Variants in SGCZ observed in about 807,000 individuals in gnomAD.
SGCZ encodes zeta-sarcoglycan.
In SGCZ, 40 loss-of-function variants were observed where a neutral mutation model predicts 41.3. The ratio of observed to expected loss-of-function variants is 0.97; its 90% CI spans 0.75 to 1.26. SGCZ has a LOEUF of 1.26. SGCZ is among the 50% of genes most tolerant of loss of function. The probability of loss-of-function intolerance (pLI) is 0.00; values close to 1 mark genes in which losing one functional copy is unlikely to be tolerated. For missense variants in SGCZ, 552 were observed against 369.8 expected, an observed-to-expected ratio of 1.49 and a Z score of -4.04; for synonymous variants, 206 against 137.5, an observed-to-expected ratio of 1.50 and a Z score of -3.49.
At chr8:15,092,753 AC>A (rs1318761130) in intron 1 of SGCZ, among the ~76,000 whole-genome samples, 8 of 152,324 alleles carry the variant, frequency 5.3e-5, no homozygotes, top group African/African-American at 1.9e-4. Context: ...TCTCTATTAC[AC>A]ATTGATCAAA....
At chr8:14,235,793 T>C (rs1203695861) in intron 4 of SGCZ, among the ~76,000 whole-genome samples, 3 of 152,182 alleles carry the variant, frequency 2.0e-5, no homozygotes, top group Non-Finnish European at 4.4e-5. Flanking sequence ...CGAGTGATTC[T>C]CCAGCCTCAG....
Position 14,682,106 on chromosome 8 carries a change from A to G in SGCZ, c.40-127180T>C, listed in dbSNP as rs189379117. The stretch of plus-strand genomic sequence containing the variant: ...ATTTCACAGCCCTGGGGCATAATCT[A>G]TTATGTAGTGATGCTTCAAGCATGG... On this transcript the variant is annotated intron_variant, in intron 1 of 7. Transcript: ENST00000382080. 1.6e-4 allele frequency among the ~76,000 whole-genome samples: 24 copies of G among 152,212 alleles called. 1 individual carries two copies. The highest frequency in any genetic ancestry group is 3.4e-3 in the Middle Eastern group (1 of 294).
chr8:15,151,588 A>G (rs967272645), intron 1 of SGCZ, among the ~76,000 whole-genome samples: 1 of 152,194 alleles, frequency 6.6e-6, no homozygotes, highest in Non-Finnish European at 1.5e-5. Context: ...ATCTGAATAC[A>G]TTTTCACAAA....
At position 14,356,749 on chromosome 8, in the gene SGCZ, A is replaced by G. The variant is rs951829296; in HGVS notation, c.235-32545T>C. On this transcript the variant is annotated intron_variant, in intron 2 of 7. Coordinates refer to ENST00000382080, the MANE Select transcript of SGCZ (RefSeq NM_139167.4). ...ATATATTTTTAATATTGTCTTTTCA[A>G]TATCACTAATTCAAGAAAATACGAT... Among the ~76,000 whole-genome samples, 16 of 152,094 alleles carry G rather than the reference A, an allele frequency of 1.1e-4. 1 individual carries two copies. The highest frequency in any genetic ancestry group is 3.6e-4 in the African/African-American group (15 of 41,444).
chr8:14,391,574 T>C (rs1441067062), intron 2 of SGCZ, among the ~76,000 whole-genome samples: 1 of 152,262 alleles, frequency 6.6e-6, no homozygotes, highest in African/African-American at 2.4e-5. Flanking sequence ...AGCCATATTA[T>C]TGGACAAGGC....
intron 4 of SGCZ, among the ~76,000 whole-genome samples, chr8:14,201,792 G>A (rs1356272620): frequency 6.6e-6 from 1 of 152,098 alleles, no homozygotes. Flanking sequence ...ACAGACTCTT[G>A]TAAAAATGTG....
At chr8:14,445,521 A>G (rs767454043) in intron 2 of SGCZ, among the ~76,000 whole-genome samples, 10 of 151,972 alleles carry the variant, frequency 6.6e-5, no homozygotes, top group Non-Finnish European at 1.2e-4. Context: ...GACTTTGGGG[A>G]ACACTACTTA....
chr8:15,172,136 A>C (rs1799849932), intron 1 of SGCZ, among the ~76,000 whole-genome samples: 1 of 147,478 alleles, frequency 6.8e-6, no homozygotes, highest in Non-Finnish European at 1.5e-5. Flanking sequence ...TAAAGGAAAA[A>C]AATGCCTTTT....
At chr8:15,127,523 G>A (rs1035852628) in intron 1 of SGCZ, among the ~76,000 whole-genome samples, 5 of 152,002 alleles carry the variant, frequency 3.3e-5, no homozygotes, top group African/African-American at 9.7e-5. Context: ...AAAATAATAT[G>A]TTTTCTTCAC....
At chr8:15,023,852 T>C (rs1345491955) in intron 1 of SGCZ, among the ~76,000 whole-genome samples, 3 of 152,164 alleles carry the variant, frequency 2.0e-5, no homozygotes, top group Non-Finnish European at 4.4e-5. Context: ...TTTTCAAAGT[T>C]AACCTGACTG....
chr8:14,839,361 T>C (rs1198169888), intron 1 of SGCZ, among the ~76,000 whole-genome samples: 1 of 152,166 alleles, frequency 6.6e-6, no homozygotes, highest in Admixed American at 6.6e-5. Flanking sequence ...TGTGTGGGCA[T>C]ACATGAGAAC....
chr8:14,469,419 G>C (rs1419173324), intron 2 of SGCZ, among the ~76,000 whole-genome samples: 1 of 151,970 alleles, frequency 6.6e-6, no homozygotes, highest in Non-Finnish European at 1.5e-5. Context: ...AACATACCAG[G>C]AATCTCTCCT....
intron 1 of SGCZ, among the ~76,000 whole-genome samples, chr8:15,079,547 C>A (rs769952511): frequency 6.6e-6 from 1 of 152,180 alleles, no homozygotes; most frequent in African/African-American, 2.4e-5. Context: ...CTTTACTAGG[C>A]TATATTTCTC....
At chr8:15,196,966 AT>A (rs1800752068) in intron 1 of SGCZ, among the ~76,000 whole-genome samples, 1 of 152,168 alleles carries the variant, frequency 6.6e-6, no homozygotes, top group Non-Finnish European at 1.5e-5. Flanking sequence ...AGACTGTATT[AT>A]TTACATGGTG....
At chr8:14,415,422 G>C (rs760545015) in intron 2 of SGCZ, among the ~76,000 whole-genome samples, 7 of 151,800 alleles carry the variant, frequency 4.6e-5, no homozygotes, top group Non-Finnish European at 8.8e-5. Context: ...CCTACAAAAA[G>C]GGAATTAGTG....
At chr8:14,113,168 T>C (rs1409426884) in intron 5 of SGCZ, among the ~76,000 whole-genome samples, 1 of 152,094 alleles carries the variant, frequency 6.6e-6, no homozygotes, top group Non-Finnish European at 1.5e-5. Flanking sequence ...CAAAAAGCTA[T>C]AATTATTTTC....
intron 2 of SGCZ, among the ~76,000 whole-genome samples, chr8:14,403,506 T>C (rs979337006): frequency 6.6e-6 from 1 of 152,040 alleles, no homozygotes; most frequent in Non-Finnish European, 1.5e-5. Flanking sequence ...TGAAGGTTGT[T>C]GAATTTTGTC....
intron 1 of SGCZ, among the ~76,000 whole-genome samples, chr8:14,845,672 G>A (rs1419033651): frequency 1.3e-5 from 2 of 152,150 alleles, no homozygotes; most frequent in Non-Finnish European, 2.9e-5. Context: ...TTTCAGAGAT[G>A]ACAACTACAA....
chr8:14,313,634 C>A (rs1282241201), intron 3 of SGCZ, among the ~76,000 whole-genome samples: 2 of 152,144 alleles, frequency 1.3e-5, no homozygotes, highest in East Asian at 3.9e-4. Context: ...CCATGCCTGG[C>A]TGGTCTGATA....
Sources: allele counts gnomAD v4.1 joint callset (sites outside exome capture counted in the v4.1 genomes callset), GRCh38; gene constraint gnomAD v4.1.1; transcripts MANE v1.5; gene names NCBI Gene and HGNC (gene_info 2026-07-23, HGNC 2026-07-21).